The following KL variants were observed in gnomAD, a reference collection of about 807,000 sequenced individuals.
KL encodes the protein klotho, also known as alpha-klotho.
Under a neutral mutation model 84.2 loss-of-function variants are expected in KL, and 62 were observed. The ratio of observed to expected loss-of-function variants is 0.74; its 90% confidence interval spans 0.60 to 0.91. KL has a LOEUF of 0.91. Ranked by LOEUF, KL falls within the 40% of genes least tolerant of loss-of-function variation. KL has a pLI of 0.00. For missense variants in KL, 1,261 were observed against 1,305.7 expected, an observed-to-expected ratio of 0.97 and a Z score of 0.53; for synonymous variants, 528 against 528.0, an observed-to-expected ratio of 1.00 and a Z score of 0.00.
intron 1 of KL, among the ~76,000 whole-genome samples, chr13:33,036,253 C>T (rs1285245851): frequency 1.3e-5 from 2 of 152,058 alleles, no homozygotes; most frequent in Non-Finnish European, 2.9e-5. Flanking sequence ...AGAAGAACTC[C>T]AGGGACTTTA....
intron 1 of KL, among the ~76,000 whole-genome samples, chr13:33,025,071 A>G (rs1008740429): frequency 3.3e-5 from 5 of 152,208 alleles, no homozygotes; most frequent in Non-Finnish European, 7.3e-5. Flanking sequence ...GGGATAAGGT[A>G]AGATTCCTGC....
chr13:33,052,960 A>G (rs1398081120), intron 1 of KL, among the ~76,000 whole-genome samples: 1 of 152,270 alleles, frequency 6.6e-6, no homozygotes, highest in Non-Finnish European at 1.5e-5. Context: ...TAAAAAGGAA[A>G]CAAATGAAAA....
chr13:33,042,237 T>A (rs1871364903), intron 1 of KL, among the ~76,000 whole-genome samples: 1 of 152,182 alleles, frequency 6.6e-6, no homozygotes, highest in Non-Finnish European at 1.5e-5. Flanking sequence ...AATCTATAGA[T>A]CTTTAAAATT....
chr13:33,016,963 C>T lies in KL; in HGVS notation c.523C>T (p.Arg175Cys), dbSNP rs1870375030. The change falls in exon 1 of 5, where the codon CGC becomes TGC. Residue 175 changes from arginine (R) to cysteine (C), a missense_variant. Transcript: ENST00000380099. ...CCGCGAGGGGCTGCGCTACTACCGG[C>T]GCCTGCTGGAGCGGCTGCGGGAGCT... ...PNREGLRYYR[R>C]LLERLRELGV... 1 of 1,601,732 alleles carries T rather than the reference C, an allele frequency of 6.2e-7. No homozygotes were observed.
chr13:33,029,109 TA>T (rs779848612), intron 1 of KL, among the ~76,000 whole-genome samples: 19 of 152,258 alleles, frequency 1.2e-4, no homozygotes, highest in Non-Finnish European at 2.6e-4. Context: ...TTTTTAATTT[TA>T]AAAAGACATA....
At chr13:33,036,305 T>A (rs2138207932) in intron 1 of KL, among the ~76,000 whole-genome samples, 1 of 151,896 alleles carries the variant, frequency 6.6e-6, no homozygotes, top group Non-Finnish European at 1.5e-5. Context: ...ACCATTACTG[T>A]CAAGGTGGGT....
At chr13:33,050,900 T>G (rs1439889310) in intron 1 of KL, among the ~76,000 whole-genome samples, 1 of 152,200 alleles carries the variant, frequency 6.6e-6, no homozygotes, top group Non-Finnish European at 1.5e-5. Context: ...CATTCCCACT[T>G]GTACAGAGCA....
intron 1 of KL, among the ~76,000 whole-genome samples, chr13:33,019,042 A>G (rs2138186785): frequency 6.6e-6 from 1 of 152,300 alleles, no homozygotes. Context: ...CCAAACACTA[A>G]CCATCCTTCC....
At chr13:33,046,627 T>C (rs1316860022) in intron 1 of KL, among the ~76,000 whole-genome samples, 2 of 152,164 alleles carry the variant, frequency 1.3e-5, no homozygotes, top group Non-Finnish European at 2.9e-5. Context: ...TTTTCTGCTC[T>C]GTATTTTGTG....
chr13:33,064,265 G>A lies in KL; in HGVS notation c.*79G>A, dbSNP rs1244159609. 4.6e-6 allele frequency: 5 copies of A among 1,081,534 alleles called. No homozygotes were observed. Among genetic ancestry groups the A allele is most frequent in the Non-Finnish European group, 2.7e-6 (2 of 738,228 alleles). The allele number at this position is 1,081,534 out of a possible 1,614,324, so 67.0% of individuals were successfully genotyped here. ...CTGTTAACCATTTGCACCTCTAAGT[G>A]TTGTGAAACTGTAAATTTCATACAT... is the stretch of plus-strand genomic sequence containing the variant. On this transcript the variant is annotated 3_prime_UTR_variant, in exon 5 of 5. Coordinates refer to ENST00000380099, the MANE Select transcript of KL (RefSeq NM_004795.4).
intron 1 of KL, among the ~76,000 whole-genome samples, chr13:33,020,018 A>G (rs499091): frequency 0.33 from 50,019 of 152,010 alleles, 9,503 homozygotes; most frequent in Admixed American, 0.45. Flanking sequence ...TGTTCTGTAT[A>G]TGGGTTCTAA....
chr13:33,034,193 G>C (rs1871079003), intron 1 of KL, among the ~76,000 whole-genome samples: 1 of 152,190 alleles, frequency 6.6e-6, no homozygotes, highest in Non-Finnish European at 1.5e-5. Context: ...TGATCACAAA[G>C]GGAGACTGTA....
chr13:33,052,635 CCTGTA>C (rs1297898801), intron 1 of KL, among the ~76,000 whole-genome samples: 3 of 152,042 alleles, frequency 2.0e-5, no homozygotes, highest in Admixed American at 6.5e-5. Flanking sequence ...TTCTTGGATG[CCTGTA>C]CTGAAATGAA....
intron 1 of KL, among the ~76,000 whole-genome samples, chr13:33,019,512 C>G (rs1430888186): frequency 6.6e-6 from 1 of 152,064 alleles, no homozygotes; most frequent in African/African-American, 2.4e-5. Flanking sequence ...TTTCCACTAA[C>G]TTACAAATGG....
Position 33,053,903 on chromosome 13 carries a change from C to A in KL, c.956C>A (p.Ser319Tyr). The stretch of plus-strand genomic sequence containing the variant: ...CACAGCATCAAAGAATGTCAAAAAT[C>A]TCTGGACTTTGTACTAGGTTGGTTT... ...TDHSIKECQK[S>Y]LDFVLGWFAK... Residue 319 changes from serine to tyrosine, a missense_variant, in exon 2 of 5, where the codon TCT (serine) becomes TAT (tyrosine). Coordinates refer to ENST00000380099, the MANE Select transcript of KL (RefSeq NM_004795.4). 1.2e-6 allele frequency: 2 copies of A among 1,614,154 alleles called. No homozygotes were observed. The highest frequency in any genetic ancestry group is 1.7e-6 in the Non-Finnish European group (2 of 1,180,018).
At chr13:33,054,510 ATTAC>A (rs1871879015) in intron 2 of KL, among the ~76,000 whole-genome samples, 1 of 152,234 alleles carries the variant, frequency 6.6e-6, no homozygotes, top group South Asian at 2.1e-4. Flanking sequence ...AATATTTGTA[ATTAC>A]TTAACTTTCA....
intron 1 of KL, among the ~76,000 whole-genome samples, chr13:33,052,936 C>T (rs1054770465): frequency 1.3e-5 from 2 of 152,178 alleles, no homozygotes; most frequent in Non-Finnish European, 2.9e-5. Context: ...ATAATTTTCA[C>T]TCTTCCTTGT....
chr13:33,063,124 G>T lies in KL; in HGVS notation c.2702-725G>T, dbSNP rs1872272989. The stretch of plus-strand genomic sequence containing the variant: ...AACTAGTTTGAACTGGACAGGAGCT[G>T]CCCCAAGTTCTTGGAAAAACAACTG... On this transcript the variant is annotated intron_variant, in intron 4 of 4. Coordinates refer to ENST00000380099, the MANE Select transcript of KL (RefSeq NM_004795.4). 2.0e-5 allele frequency among the ~76,000 whole-genome samples: 3 copies of T among 151,942 alleles called. No homozygotes were observed. The South Asian group carries it at 6.2e-4, about 32-fold the overall frequency.
chr13:33,057,284 G>A (rs979974027), intron 3 of KL, among the ~76,000 whole-genome samples: 1 of 152,144 alleles, frequency 6.6e-6, no homozygotes, highest in Non-Finnish European at 1.5e-5. Flanking sequence ...GAACAAGAGT[G>A]GGGGTGTCGG....
Sources: gnomAD v4.1 joint callset for allele counts (sites outside exome capture counted in the v4.1 genomes callset) on GRCh38, gnomAD v4.1.1 for gene constraint, MANE v1.5 for transcripts, NCBI Gene and HGNC (gene_info 2026-07-23, HGNC 2026-07-21) for gene names.